NDUFAF6: variants seen among roughly 807,000 people sequenced by gnomAD.
NDUFAF6 encodes NADH:ubiquinone oxidoreductase complex assembly factor 6.
NDUFAF6 carries 45 observed loss-of-function variants against 40.8 expected under a neutral mutation model. The observed-to-expected ratio is 1.10, with a 90% CI of 0.87 to 1.42. The LOEUF (loss-of-function observed/expected upper bound fraction) is 1.42. Ranked by LOEUF, NDUFAF6 falls within the 40% of genes most tolerant of loss-of-function variation. The probability of loss-of-function intolerance (pLI) is 0.00; values close to 1 mark genes in which losing one functional copy is unlikely to be tolerated. For missense variants in NDUFAF6, 435 were observed against 418.5 expected, an observed-to-expected ratio of 1.04 and a Z score of -0.34; for synonymous variants, 185 against 155.9, an observed-to-expected ratio of 1.19 and a Z score of -1.39.
At chr8:95,048,627 A>G in intron 7 of NDUFAF6, 69 bp downstream of exon 7, 2 of 1,077,586 alleles carry the variant, frequency 1.9e-6, no homozygotes, top group African/African-American at 1.6e-5. Context: ...TTCTTAGAAC[A>G]TGGTTATGAT....
At chr8:95,035,291 CT>C (rs1360238053) in intron 2 of NDUFAF6, among the ~76,000 whole-genome samples, 162 bp from the exon 3 acceptor site, 1 of 152,108 alleles carries the variant, frequency 6.6e-6, no homozygotes, top group African/African-American at 2.4e-5. Flanking sequence ...CAGTAAAATT[CT>C]CTCTTTGTTG....
intron 2 of NDUFAF6, among the ~76,000 whole-genome samples, chr8:95,012,223 T>C (rs1827253525): frequency 1.3e-5 from 2 of 152,262 alleles, no homozygotes; most frequent in South Asian, 4.1e-4. Context: ...ATATAGCATC[T>C]GTACTTCCTT....
chr8:95,049,378 TG>T (rs1831180486), intron 7 of NDUFAF6, among the ~76,000 whole-genome samples: 1 of 152,228 alleles, frequency 6.6e-6, no homozygotes, highest in African/African-American at 2.4e-5. Flanking sequence ...CCAGGACTTT[TG>T]TTTGGAATTT....
intron 1 of NDUFAF6, among the ~76,000 whole-genome samples, chr8:94,902,738 C>G (rs1421481533): frequency 6.6e-6 from 1 of 150,582 alleles, no homozygotes; most frequent in Non-Finnish European, 1.5e-5. Flanking sequence ...CTGTCACCCC[C>G]AGGCTGGAGT....
At chr8:95,064,772 C>T (rs1426558879) in intron 9 of NDUFAF6, among the ~76,000 whole-genome samples, 2 of 152,048 alleles carry the variant, frequency 1.3e-5, no homozygotes, top group Non-Finnish European at 2.9e-5. Context: ...TGATAAGACT[C>T]CCATTTCAGA....
chr8:94,982,148 C>T (rs954357884), intron 2 of NDUFAF6, among the ~76,000 whole-genome samples: 3 of 151,910 alleles, frequency 2.0e-5, no homozygotes, highest in African/African-American at 7.3e-5. Flanking sequence ...GGGAGAATGG[C>T]GTGAACCCAG....
At chr8:95,043,112 G>A (rs1830325984) in intron 4 of NDUFAF6, among the ~76,000 whole-genome samples, 1 of 146,980 alleles carries the variant, frequency 6.8e-6, no homozygotes, top group Non-Finnish European at 1.5e-5. Flanking sequence ...TTGAGATGGA[G>A]TCTCGCTCTG....
Position 95,049,149 on chromosome 8 carries a change from GA to G in NDUFAF6, c.816+592del, listed in dbSNP as rs145773620. On this transcript the variant is annotated intron_variant, in intron 7 of 8. Coordinates refer to ENST00000396124, the MANE Select transcript of NDUFAF6 (RefSeq NM_152416.4). ...CCTGCCCACTCTAATAAACAATCAC[GA>G]GTTTGGCAGTTCTCCTTATTGCCAA... is the stretch of plus-strand genomic sequence containing the variant. Among the ~76,000 whole-genome samples the G allele has an allele frequency of 5.1e-3, 771 of 152,288 alleles. 8 individuals are homozygous for G. Among genetic ancestry groups the G allele is most frequent in the African/African-American group, 0.018 (750 of 41,556 alleles).
At chr8:94,909,363 A>C (rs1276029220) in intron 1 of NDUFAF6, among the ~76,000 whole-genome samples, 6 of 20,352 alleles carry the variant, frequency 2.9e-4, no homozygotes, top group Non-Finnish European at 9.1e-4. Context: ...AAAAAAAAAA[A>C]AAAAAAAAAA....
chr8:95,086,854 C>T lies in NDUFAF6; in HGVS notation n.213+11102C>T, dbSNP rs187624718. The stretch of plus-strand genomic sequence containing the variant: ...TCCTGACTTCGTGATCCGCCCGCCT[C>T]CGCCCCCCAAAGTGCTGGGATTACA... On this transcript the variant is annotated intron_variant and non_coding_transcript_variant, in intron 2 of 5. Coordinates refer to the NDUFAF6 transcript ENST00000523184. Among the ~76,000 whole-genome samples, 480 of 152,214 alleles carry T rather than the reference C, an allele frequency of 3.2e-3. 3 individuals are homozygous for T. Among genetic ancestry groups the T allele is most frequent in the African/African-American group, 0.011 (447 of 41,562 alleles).
rs375906033 is a variant in NDUFAF6 at position 94,940,065 on chromosome 8, A to G, written c.-935-5418A>G. 39 of 1,614,128 alleles carry G rather than the reference A, an allele frequency of 2.4e-5. No homozygotes were observed. The highest frequency in any genetic ancestry group is 3.0e-5 in the Non-Finnish European group (35 of 1,180,044). On this transcript the variant is annotated intron_variant, in intron 1 of 14. Coordinates refer to the NDUFAF6 transcript ENST00000396113. ...ATAAACCAGCTCTCCTCCATTGGAC[A>G]TGACTCAAACTGGAGAAAGCAGGAA...
At chr8:94,954,814 G>C (rs1013379925), upstream of NDUFAF6, among the ~76,000 whole-genome samples, 42 of 152,332 alleles carry the variant, frequency 2.8e-4, 1 homozygote, top group African/African-American at 9.6e-4. Flanking sequence ...GAATTGTTTT[G>C]CTGTCTTTTT....
At chr8:95,093,117 A>C (rs1335115071) in intron 2 of NDUFAF6, among the ~76,000 whole-genome samples, 1 of 62,542 alleles carries the variant, frequency 1.6e-5, no homozygotes, top group Non-Finnish European at 2.9e-5. Context: ...ATCCCTTGGG[A>C]GTGTAAGGGG....
At chr8:94,909,574 T>C (rs964485165) in intron 1 of NDUFAF6, among the ~76,000 whole-genome samples, 2 of 151,508 alleles carry the variant, frequency 1.3e-5, no homozygotes, top group South Asian at 2.1e-4. Context: ...TGCAGTGAGC[T>C]GAGGTCGCGC....
chr8:94,955,140 T>A (rs1160739851), upstream of NDUFAF6, among the ~76,000 whole-genome samples: 3 of 152,352 alleles, frequency 2.0e-5, no homozygotes, highest in East Asian at 5.8e-4. Context: ...GAAAGGTGCC[T>A]GGCACATGTA....
chr8:95,101,999 T>A (rs1305788424), intron 2 of NDUFAF6, among the ~76,000 whole-genome samples: 1 of 151,818 alleles, frequency 6.6e-6, no homozygotes, highest in East Asian at 1.9e-4. Context: ...AAAAGTATTT[T>A]TTTTTTTTTA....
chr8:95,042,629 GAC>G (rs1451113220), intron 4 of NDUFAF6, among the ~76,000 whole-genome samples: 1 of 152,102 alleles, frequency 6.6e-6, no homozygotes, highest in Non-Finnish European at 1.5e-5. Flanking sequence ...TGCAGAAATT[GAC>G]AAACTGGTCC....
intron 2 of NDUFAF6, among the ~76,000 whole-genome samples, chr8:95,007,015 T>C (rs1827020232): frequency 6.6e-6 from 1 of 151,138 alleles, no homozygotes; most frequent in African/African-American, 2.4e-5. Context: ...AAAGCATACG[T>C]TGAATTTTCA....
chr8:95,006,526 G>A (rs992166604), intron 2 of NDUFAF6, among the ~76,000 whole-genome samples: 3 of 152,002 alleles, frequency 2.0e-5, no homozygotes, highest in African/African-American at 4.8e-5. Flanking sequence ...AACATTTACA[G>A]CTTTACAGAC....
Sources: allele counts gnomAD v4.1 joint callset (sites outside exome capture counted in the v4.1 genomes callset), GRCh38; gene constraint gnomAD v4.1.1; transcripts MANE v1.5; gene names NCBI Gene and HGNC (gene_info 2026-07-23, HGNC 2026-07-21).